MTG2: variants seen among roughly 807,000 people sequenced by gnomAD.
MTG2 encodes the protein mitochondrial ribosome-associated GTPase 2.
MTG2 carries 23 observed loss-of-function variants against 28.6 expected under a neutral mutation model. The observed-to-expected ratio is 0.80, with a 90% CI of 0.58 to 1.14. MTG2 has a LOEUF of 1.14. Among genes scored for constraint, MTG2 ranks in the 50% most tolerant of loss-of-function variants. The pLI is 0.00. For synonymous variants in MTG2, 260 were observed against 251.8 expected, an observed-to-expected ratio of 1.03 and a Z score of -0.31; for missense variants, 539 against 552.0, an observed-to-expected ratio of 0.98 and a Z score of 0.24.
chr20:62,201,358 C>T lies in MTG2; in HGVS notation c.*281C>T, dbSNP rs543669914. 7.7e-5 allele frequency: 35 copies of T among 455,188 alleles called. No homozygotes were observed. The highest frequency in any genetic ancestry group is 6.3e-4 in the African/African-American group (32 of 50,580). 28.2% of individuals were successfully genotyped at this position (455,188 alleles called of 1,614,324 possible). Reference sequence around the variant, plus strand: ...ACACCCCTAATAAGGGGTTGGGGTGCCCATAACGGGGTGGCCCTGCCGCTG... The same window carrying T: ...ACACCCCTAATAAGGGGTTGGGGTGTCCATAACGGGGTGGCCCTGCCGCTG... On this transcript the variant is annotated 3_prime_UTR_variant, in exon 7 of 7. Transcript: ENST00000370823.
chr20:62,184,184 C>G (rs1049907370), intron 1 of MTG2, among the ~76,000 whole-genome samples: 1 of 152,172 alleles, frequency 6.6e-6, no homozygotes, highest in Non-Finnish European at 1.5e-5. Context: ...TGGTGAAACC[C>G]CATCTCTACT....
chr20:62,199,157 G>T lies in MTG2; in HGVS notation c.726G>T (p.Arg242=). 1 of 1,614,126 alleles carries T rather than the reference G, an allele frequency of 6.2e-7. No homozygotes were observed. Among genetic ancestry groups the T allele is most frequent in the Non-Finnish European group, 8.5e-7 (1 of 1,180,022 alleles). ...FPNAGKSSLL[R]AISNARPAVA... The stretch of plus-strand genomic sequence containing the variant: ...ACGCCGGGAAGTCCTCACTGCTCCG[G>T]GCCATTTCAAACGCCAGACCCGCCG... The change falls in exon 6 of 7, where the codon CGG becomes CGT. Residue 242 remains arginine, a synonymous_variant. Transcript: ENST00000370823.
intron 4 of MTG2, 80 bp from the exon 5 acceptor site, chr20:62,198,554 C>T (rs1289383386): frequency 6.3e-6 from 9 of 1,430,158 alleles, no homozygotes; most frequent in African/African-American, 2.8e-5. Context: ...CTTTCCTTAG[C>T]GCTTGCTTCA....
rs776557341 is a variant in MTG2 at position 62,200,930 on chromosome 20, G to A, written c.1074G>A (p.Gln358=). The change falls in exon 7 of 7, where the codon CAG becomes CAA. Residue 358 remains glutamine (Q), a synonymous_variant. Coordinates refer to ENST00000370823, the MANE Select transcript of MTG2 (RefSeq NM_015666.4). ...CTGAAGCCCAAGCCAATCTGTCCCA[G>A]CTCCGGGATCACTTGGGACAGGAGG... The part of the protein sequence containing the change: ...DLPEAQANLS[Q]LRDHLGQEVI... 16 of 1,614,108 alleles carry A rather than the reference G, an allele frequency of 9.9e-6. No individual in the cohort carries two copies. Among genetic ancestry groups the A allele is most frequent in the East Asian group, 2.2e-5 (1 of 44,890 alleles).
intron 4 of MTG2, 183 bp downstream of exon 4, chr20:62,198,150 G>A (rs529050663): frequency 6.5e-5 from 39 of 596,160 alleles, no homozygotes; most frequent in East Asian, 4.2e-4. Context: ...AAACCCAGAC[G>A]GGCATTTGTA....
intron 1 of MTG2, among the ~76,000 whole-genome samples, chr20:62,189,001 C>A (rs2057903086): frequency 6.6e-6 from 1 of 152,078 alleles, no homozygotes; most frequent in South Asian, 2.1e-4. Context: ...GATTTTATGT[C>A]TTTACTGTTT....
intron 2 of MTG2, among the ~76,000 whole-genome samples, 168 bp from the exon 3 acceptor site, chr20:62,195,634 A>G (rs1316656482): frequency 6.6e-6 from 1 of 152,132 alleles, no homozygotes; most frequent in Non-Finnish European, 1.5e-5. Flanking sequence ...ACTTGTGGAG[A>G]CTGTTTTTTA....
At chr20:62,197,447 T>C (rs2058080640) in intron 3 of MTG2, 1 of 155,152 alleles carries the variant, frequency 6.4e-6, no homozygotes, top group Non-Finnish European at 1.4e-5. Context: ...GTTTGTTTAA[T>C]TTCAGGAGCA....
At chr20:62,186,983 A>G (rs992882567) in intron 1 of MTG2, among the ~76,000 whole-genome samples, 4 of 152,164 alleles carry the variant, frequency 2.6e-5, no homozygotes, top group Non-Finnish European at 5.9e-5. Flanking sequence ...TTGGGAGGTA[A>G]CCATTCAGTA....
chr20:62,184,980 G>A (rs1381211398), intron 1 of MTG2, among the ~76,000 whole-genome samples: 3 of 151,150 alleles, frequency 2.0e-5, no homozygotes, highest in African/African-American at 7.3e-5. Context: ...TGTGGTGGTG[G>A]GTGCATGTAA....
chr20:62,195,681 C>T, intron 2 of MTG2, 121 bp from the exon 3 acceptor site: 1 of 1,203,526 alleles, frequency 8.3e-7, no homozygotes, highest in Non-Finnish European at 1.2e-6. Context: ...ATATTAGTGT[C>T]ATTAACCTCT....
intron 1 of MTG2, among the ~76,000 whole-genome samples, chr20:62,184,420 A>G (rs998432087): frequency 6.6e-6 from 1 of 152,186 alleles, no homozygotes; most frequent in African/African-American, 2.4e-5. Context: ...AGGAGGGTTT[A>G]TAAAGGGACC....
chr20:62,184,556 A>T (rs1045637494), intron 1 of MTG2, among the ~76,000 whole-genome samples: 1 of 152,126 alleles, frequency 6.6e-6, no homozygotes, highest in Non-Finnish European at 1.5e-5. Flanking sequence ...CAGGGAGAAG[A>T]GTCACTGGGG....
intron 3 of MTG2, 95 bp from the exon 4 acceptor site, chr20:62,197,757 C>G (rs1027119338): frequency 1.0e-6 from 1 of 991,916 alleles, no homozygotes; most frequent in African/African-American, 1.6e-5. Context: ...GCTTCCATAC[C>G]TATTTTTAAG....
Position 62,201,395 on chromosome 20 carries a change from C to T in MTG2, c.*318C>T, listed in dbSNP as rs916989809. ...TGGCCCTGCCGCTGACTCAGGTCTC[C>T]GCCATGCACGCGTGGACTCTCGGAT... On this transcript the variant is annotated 3_prime_UTR_variant, in exon 7 of 7. Transcript: ENST00000370823. The T allele has an allele frequency of 1.4e-5, 5 of 359,430 alleles. No homozygotes were observed. The highest frequency in any genetic ancestry group is 2.1e-5 in the African/African-American group (1 of 48,066). The allele number at this position is 359,430 out of a possible 1,614,324, so 22.3% of individuals were successfully genotyped here. A position where few individuals can be genotyped will look rare whatever the true frequency, so the allele number is the denominator to read the frequency against.
At chr20:62,183,727 C>T (rs2057773806) in intron 1 of MTG2, among the ~76,000 whole-genome samples, 1 of 152,186 alleles carries the variant, frequency 6.6e-6, no homozygotes, top group Non-Finnish European at 1.5e-5. Flanking sequence ...AGAGAAATAC[C>T]TTTCTTTTGT....
chr20:62,193,780 G>A (rs955977359), intron 2 of MTG2, 156 bp downstream of exon 2: 7 of 739,128 alleles, frequency 9.5e-6, no homozygotes, highest in South Asian at 3.8e-5. Context: ...AGGGTGAAAC[G>A]CAGGCCTGCG....
chr20:62,194,428 C>T (rs551011327), intron 2 of MTG2, among the ~76,000 whole-genome samples: 8 of 152,344 alleles, frequency 5.3e-5, no homozygotes, highest in Non-Finnish European at 7.3e-5. Flanking sequence ...TTGTCCTCCA[C>T]GAAGTGCTCA....
In MTG2 at chr20:62,187,687, G is replaced by A. The variant is rs1292698378; in HGVS notation, c.-6+4630G>A. On this transcript the variant is annotated intron_variant, in intron 1 of 6. Transcript: ENST00000370823. ...TCTGTAAGGTGTGTCCTGATAACCCGTTGAACATTCCTGACAGTGGAGGTT... is the reference window on the plus strand; with the variant it reads ...TCTGTAAGGTGTGTCCTGATAACCCATTGAACATTCCTGACAGTGGAGGTT... Among the ~76,000 whole-genome samples, 8 of 152,274 alleles carry A rather than the reference G, an allele frequency of 5.3e-5. No individual in the cohort carries two copies. The South Asian group carries it at 6.2e-4, about 12-fold the overall frequency.
Sources: gnomAD v4.1 joint callset for allele counts (sites outside exome capture counted in the v4.1 genomes callset) on GRCh38, gnomAD v4.1.1 for gene constraint, MANE v1.5 for transcripts, NCBI Gene and HGNC (gene_info 2026-07-23, HGNC 2026-07-21) for gene names.